AUTS2: variants seen among roughly 807,000 people sequenced by gnomAD.
AUTS2 encodes the protein autism susceptibility gene 2 protein.
AUTS2 carries 17 observed loss-of-function variants against 112.4 expected under a neutral mutation model. The observed-to-expected ratio is 0.15, with a 90% CI of 0.10 to 0.23. AUTS2 has a LOEUF of 0.23. AUTS2 is among the 10% of genes least tolerant of loss of function. The pLI is 1.00. For synonymous variants in AUTS2, 751 were observed against 702.7 expected (o/e 1.07, Z -1.09); for missense variants, 1,510 against 1,701.6 (o/e 0.89, Z 1.98).
Position 70,232,327 on chromosome 7 carries a change from CTT to C in AUTS2, c.660+97758_660+97759del, listed in dbSNP as rs1402499227. ...ATGAAGCTGCTATGAACATCCTCCT[CTT>C]TGTCTTTCTATGAGCATACATACGT... On this transcript the variant is annotated intron_variant, in intron 4 of 18. Coordinates refer to ENST00000342771, the MANE Select transcript of AUTS2 (RefSeq NM_015570.4). Among the ~76,000 whole-genome samples, 5 of 151,994 alleles carry C rather than the reference CTT, an allele frequency of 3.3e-5. No individual in the cohort carries two copies. The East Asian group carries it at 9.7e-4, about 29-fold the overall frequency.
intron 2 of AUTS2, among the ~76,000 whole-genome samples, chr7:70,106,184 T>C (rs867595223): frequency 5.9e-5 from 9 of 152,188 alleles, no homozygotes; most frequent in Non-Finnish European, 1.3e-4. Flanking sequence ...ACTTGCTACA[T>C]GAAAGTGAAG....
At chr7:70,517,535 A>G (rs1012487831) in intron 5 of AUTS2, among the ~76,000 whole-genome samples, 1 of 55,432 alleles carries the variant, frequency 1.8e-5, no homozygotes, top group Non-Finnish European at 4.1e-5. Context: ...TACAAATTGC[A>G]TATACACATA....
intron 4 of AUTS2, among the ~76,000 whole-genome samples, chr7:70,203,368 T>G (rs1236457592): frequency 7.2e-6 from 1 of 139,696 alleles, no homozygotes; most frequent in Non-Finnish European, 1.5e-5. Context: ...AAAAAGAAGT[T>G]TACGGATAAA....
chr7:70,181,243 G>A (rs1880369), intron 4 of AUTS2, among the ~76,000 whole-genome samples: 33,037 of 152,056 alleles, frequency 0.22, 3,568 homozygotes, highest in Middle Eastern at 0.33. Flanking sequence ...CAATGTTTCT[G>A]TGAACATGCT....
At chr7:70,112,211 T>C (rs926627990) in intron 2 of AUTS2, among the ~76,000 whole-genome samples, 1 of 151,890 alleles carries the variant, frequency 6.6e-6, no homozygotes, top group African/African-American at 2.4e-5. Flanking sequence ...GTTGTATGTG[T>C]GATTTTGTCT....
chr7:70,068,723 A>C (rs1365659227), intron 2 of AUTS2, among the ~76,000 whole-genome samples: 1 of 152,218 alleles, frequency 6.6e-6, no homozygotes, highest in Non-Finnish European at 1.5e-5. Flanking sequence ...CAAGGTGATT[A>C]ATGTAGCCAC....
intron 6 of AUTS2, among the ~76,000 whole-genome samples, chr7:70,760,091 T>A (rs368562956): frequency 5.9e-5 from 9 of 151,908 alleles, no homozygotes; most frequent in Admixed American, 5.2e-4. Flanking sequence ...CTGCAACCTC[T>A]GCCTCCCAGG....
chr7:69,709,965 A>T (rs1482927469), intron 1 of AUTS2, among the ~76,000 whole-genome samples: 1 of 152,160 alleles, frequency 6.6e-6, no homozygotes, highest in African/African-American at 2.4e-5. Context: ...TTACCAAGTC[A>T]CTTAAATAAA....
chr7:70,365,712 C>A (rs553920323), intron 4 of AUTS2, among the ~76,000 whole-genome samples: 3 of 152,334 alleles, frequency 2.0e-5, no homozygotes, highest in African/African-American at 4.8e-5. Flanking sequence ...ATTTAACCTT[C>A]AGATAAGATC....
intron 5 of AUTS2, among the ~76,000 whole-genome samples, chr7:70,507,094 A>G (rs569461098): frequency 5.9e-5 from 9 of 152,370 alleles, no homozygotes; most frequent in Admixed American, 1.3e-4. Context: ...TTTATTCAGA[A>G]GGCAATATGG....
chr7:70,163,847 A>G (rs1360100532), intron 4 of AUTS2, among the ~76,000 whole-genome samples: 2 of 152,200 alleles, frequency 1.3e-5, no homozygotes, highest in East Asian at 3.9e-4. Context: ...AAATGCTAAG[A>G]AAGTCATGTA....
At chr7:69,709,261 C>T (rs544615965) in intron 1 of AUTS2, among the ~76,000 whole-genome samples, 1 of 152,306 alleles carries the variant, frequency 6.6e-6, no homozygotes, top group Non-Finnish European at 1.5e-5. Context: ...TCCTTTTGCA[C>T]CTTTCCCAGG....
At chr7:70,065,697 CA>C (rs897971359) in intron 2 of AUTS2, among the ~76,000 whole-genome samples, 2 of 151,756 alleles carry the variant, frequency 1.3e-5, no homozygotes, top group African/African-American at 4.8e-5. Context: ...AACTCCATCT[CA>C]AAAAAATATA....
At chr7:70,185,523 A>G (rs370211082) in intron 4 of AUTS2, among the ~76,000 whole-genome samples, 5 of 152,258 alleles carry the variant, frequency 3.3e-5, no homozygotes, top group African/African-American at 1.2e-4. Context: ...GAGGACATGC[A>G]TCATATTCAT....
chr7:69,626,438 T>C (rs1416735361), intron 1 of AUTS2, among the ~76,000 whole-genome samples: 1 of 152,204 alleles, frequency 6.6e-6, no homozygotes, highest in African/African-American at 2.4e-5. Context: ...AATGTCATTT[T>C]TGTTGCTTTC....
At chr7:70,543,443 C>G (rs147496122) in intron 5 of AUTS2, among the ~76,000 whole-genome samples, 1 of 151,578 alleles carries the variant, frequency 6.6e-6, no homozygotes, top group East Asian at 2.0e-4. Context: ...GCACGAGAAT[C>G]GCTTGAACCC....
chr7:69,791,822 C>G (rs1158345056), intron 1 of AUTS2, among the ~76,000 whole-genome samples: 2 of 152,170 alleles, frequency 1.3e-5, no homozygotes, highest in East Asian at 3.9e-4. Flanking sequence ...TTACCTAAGG[C>G]AGGGTTTCTG....
intron 1 of AUTS2, among the ~76,000 whole-genome samples, chr7:69,853,057 A>G (rs1226696760): frequency 1.3e-5 from 2 of 152,078 alleles, no homozygotes; most frequent in Non-Finnish European, 2.9e-5. Flanking sequence ...ATCCCAGGAT[A>G]TGGTCTATGT....
intron 4 of AUTS2, chr7:70,290,635 T>C: frequency 1.4e-6 from 2 of 1,403,688 alleles, no homozygotes; most frequent in Non-Finnish European, 9.2e-7. Context: ...GCAGTGTGTT[T>C]TAGTTTAACC....
Sources: gnomAD v4.1 joint callset for allele counts (sites outside exome capture counted in the v4.1 genomes callset) on GRCh38, gnomAD v4.1.1 for gene constraint, MANE v1.5 for transcripts, NCBI Gene and HGNC (gene_info 2026-07-23, HGNC 2026-07-21) for gene names.